Variants in PCDH7 observed in about 807,000 individuals in gnomAD.
PCDH7 encodes the protein protocadherin-7.
Under a neutral mutation model 58.9 loss-of-function variants are expected in PCDH7, and 17 were observed. The ratio of observed to expected loss-of-function variants is 0.29; its 90% CI spans 0.20 to 0.43. PCDH7 has a LOEUF of 0.43. Ranked by LOEUF, PCDH7 falls within the 20% of genes least tolerant of loss-of-function variation. The pLI, the probability that PCDH7 is intolerant of heterozygous loss-of-function variation, is 1.00. For missense variants in PCDH7, 1,274 were observed against 1,441.0 expected, an observed-to-expected ratio of 0.88 and a Z score of 1.88; for synonymous variants, 664 against 616.4, an observed-to-expected ratio of 1.08 and a Z score of -1.14.
intron 1 of PCDH7, among the ~76,000 whole-genome samples, chr4:30,866,815 G>C (rs1057305113): frequency 2.6e-5 from 4 of 152,004 alleles, no homozygotes; most frequent in African/African-American, 9.7e-5. Context: ...GCAAAGGAAA[G>C]ATGAAACCCT....
chr4:30,875,106 A>G (rs1736125509), intron 1 of PCDH7, among the ~76,000 whole-genome samples: 1 of 152,078 alleles, frequency 6.6e-6, no homozygotes, highest in Non-Finnish European at 1.5e-5. Flanking sequence ...CCTAAACAAC[A>G]TGAATTTATT....
At chr4:30,741,067 A>G (rs1717005660) in intron 1 of PCDH7, among the ~76,000 whole-genome samples, 1 of 152,134 alleles carries the variant, frequency 6.6e-6, no homozygotes, top group Non-Finnish European at 1.5e-5. Flanking sequence ...AGATATCTCA[A>G]AATATGATCT....
intron 3 of PCDH7, among the ~76,000 whole-genome samples, chr4:31,002,798 C>A (rs182036139): frequency 1.3e-5 from 2 of 152,198 alleles, no homozygotes; most frequent in East Asian, 1.9e-4. Flanking sequence ...AGTTATAGCC[C>A]CAAATATTTT....
chr4:31,011,155 C>T lies in PCDH7; in HGVS notation c.*7+60940C>T, dbSNP rs1753156086. 2.6e-5 allele frequency among the ~76,000 whole-genome samples: 4 copies of T among 151,990 alleles called. No homozygotes were observed. In the South Asian group the frequency reaches 8.3e-4, roughly 32 times the overall value. ...AGACAGTAGGTTCTATAGACAAGGG[C>T]AACCACAAGGTTACAGTTTTGTAGC... On this transcript the variant is annotated intron_variant, in intron 3 of 3. Coordinates refer to the PCDH7 transcript ENST00000509759.
chr4:30,760,438 A>G (rs908970966), intron 1 of PCDH7, among the ~76,000 whole-genome samples: 2 of 152,170 alleles, frequency 1.3e-5, no homozygotes, highest in Non-Finnish European at 2.9e-5. Context: ...TCCTATATCT[A>G]GAAAACCCCA....
chr4:30,929,304 A>G (rs1744266573), intron 2 of PCDH7, among the ~76,000 whole-genome samples: 1 of 152,204 alleles, frequency 6.6e-6, no homozygotes, highest in South Asian at 2.1e-4. Context: ...TTAAGCATAC[A>G]GGTATTTATA....
intron 1 of PCDH7, among the ~76,000 whole-genome samples, chr4:30,742,349 C>T (rs1717191740): frequency 6.6e-6 from 1 of 152,114 alleles, no homozygotes; most frequent in African/African-American, 2.4e-5. Context: ...GATGAAGGCA[C>T]ACCCTGGAGG....
intron 3 of PCDH7, among the ~76,000 whole-genome samples, chr4:31,093,693 C>A (rs1251135698): frequency 1.3e-5 from 2 of 152,078 alleles, no homozygotes; most frequent in African/African-American, 4.8e-5. Context: ...CACTACATTG[C>A]AAGTCATCTT....
At position 30,722,206 on chromosome 4, in the gene PCDH7, G is replaced by C; in HGVS notation, c.784G>C (p.Val262Leu). 2 of 1,584,934 alleles carry C rather than the reference G, an allele frequency of 1.3e-6. No homozygotes were observed. ...CGGCGAGAAGCAGCCGCAGCTGATC[G>C]TGAAGGGGGCGCTGGACCGCGAGCA... is the stretch of plus-strand genomic sequence containing the variant. The change falls in exon 1 of 2, where the codon GTG becomes CTG. Residue 262 changes from valine (V) to leucine (L), a missense_variant. By Grantham distance (32) the Val-to-Leu change is conservative (BLOSUM62 1). This residue lies in a region of PCDH7 where 331 missense variants were observed against 303.2 expected (regional missense o/e 1.09). Coordinates refer to ENST00000361762, the Ensembl canonical transcript of PCDH7. The surrounding 1 kb of genome is among the most constrained non-coding windows in gnomAD (Gnocchi z 7.6).
intron 1 of PCDH7, among the ~76,000 whole-genome samples, chr4:30,909,708 C>T (rs976155054): frequency 5.3e-5 from 8 of 152,184 alleles, no homozygotes; most frequent in African/African-American, 1.9e-4. Context: ...ATTCCATGCT[C>T]ATGGGTAGGA....
rs1751402850 is a variant in PCDH7 at position 30,990,770 on chromosome 4, G to A, written c.*7+40555G>A. On this transcript the variant is annotated intron_variant, in intron 3 of 3. Coordinates refer to the PCDH7 transcript ENST00000509759. ...TTTTCAAGAGCTAAAAGTGGGCACA[G>A]CATTATATGATCCCACTTCTGCTTA... 1.3e-5 allele frequency among the ~76,000 whole-genome samples: 2 copies of A among 152,072 alleles called. 1 individual carries two copies. Among genetic ancestry groups the A allele is most frequent in the South Asian group, 4.1e-4 (2 of 4,828 alleles).
chr4:31,140,608 T>TA lies in PCDH7; in HGVS notation c.*8-1849dup, dbSNP rs34075687. On this transcript the variant is annotated intron_variant, in intron 3 of 3. Transcript: ENST00000509759. ...CCTGTTCAAAGCATTTAGGTCAGGTTAAAAAAAAAAAAAAAAGAAAAGAAA... is the reference window on the plus strand; with the variant it reads ...CCTGTTCAAAGCATTTAGGTCAGGTTAAAAAAAAAAAAAAAAAGAAAAGAAA... Among the ~76,000 whole-genome samples the TA allele has an allele frequency of 6.9e-3, 821 of 119,628 alleles. 7 individuals are homozygous for TA. The highest frequency in any genetic ancestry group is 0.017 in the African/African-American group (546 of 32,506). The allele number at this position is 119,628 out of a possible 152,430, so 78.5% of individuals were successfully genotyped here.
chr4:31,121,006 C>G (rs1324556074), intron 3 of PCDH7, among the ~76,000 whole-genome samples: 1 of 152,154 alleles, frequency 6.6e-6, no homozygotes, highest in African/African-American at 2.4e-5. Context: ...GTGCCCAAAG[C>G]TATCCTTACC....
intron 1 of PCDH7, among the ~76,000 whole-genome samples, chr4:30,906,257 C>G (rs1740908432): frequency 6.6e-6 from 1 of 152,088 alleles, no homozygotes; most frequent in Admixed American, 6.6e-5. Flanking sequence ...GTTTCAAAGT[C>G]ATATGGTTTA....
intron 1 of PCDH7, among the ~76,000 whole-genome samples, chr4:30,784,971 T>C (rs1040363712): frequency 2.6e-5 from 4 of 152,052 alleles, no homozygotes; most frequent in Non-Finnish European, 2.9e-5. Flanking sequence ...ATTTCCCTAA[T>C]TGGTTATTTC....
chr4:30,989,423 C>T (rs750829175), intron 3 of PCDH7, among the ~76,000 whole-genome samples: 1 of 152,178 alleles, frequency 6.6e-6, no homozygotes, highest in Non-Finnish European at 1.5e-5. Context: ...ATATCGGCCA[C>T]CTGTAGTGTG....
chr4:31,009,715 G>T (rs971582152), intron 3 of PCDH7, among the ~76,000 whole-genome samples: 7 of 151,608 alleles, frequency 4.6e-5, no homozygotes, highest in African/African-American at 1.2e-4. Flanking sequence ...AATTTATTTT[G>T]GGCTGACTTC....
intron 1 of PCDH7, among the ~76,000 whole-genome samples, chr4:30,878,103 A>G (rs1736516823): frequency 6.6e-6 from 1 of 152,134 alleles, no homozygotes. Flanking sequence ...CCAACATAAC[A>G]CTGGCTTATA....
In PCDH7 at chr4:31,128,625, A is replaced by G. The variant is rs116749374; in HGVS notation, c.*8-13848A>G. ...ACGCTAAAATAACTATAAAATAGCTATTATCCATAAGCAAAGAAGCTTAAC... is the reference window on the plus strand; with the variant it reads ...ACGCTAAAATAACTATAAAATAGCTGTTATCCATAAGCAAAGAAGCTTAAC... On this transcript the variant is annotated intron_variant, in intron 3 of 3. Transcript: ENST00000509759. Among the ~76,000 whole-genome samples, 602 of 152,310 alleles carry G rather than the reference A, an allele frequency of 4.0e-3. 2 individuals are homozygous for G. Among genetic ancestry groups the G allele is most frequent in the African/African-American group, 0.013 (554 of 41,584 alleles).
Sources: allele counts gnomAD v4.1 joint callset (sites outside exome capture counted in the v4.1 genomes callset), GRCh38; gene constraint gnomAD v4.1.1; regional missense constraint gnomAD v4.1.1; non-coding constraint Gnocchi (gnomAD v3.1); transcripts MANE v1.5; gene names NCBI Gene and HGNC (gene_info 2026-07-23, HGNC 2026-07-21).